Variants in CPVL observed in about 807,000 individuals in gnomAD.
The protein encoded by CPVL is probable serine carboxypeptidase CPVL.
A neutral mutation model predicts 63.7 loss-of-function variants in CPVL; 51 were observed. That is an observed-to-expected ratio of 0.80 (90% confidence interval 0.64 to 1.01). The LOEUF is 1.01. CPVL is among the 50% of genes least tolerant of loss of function. The probability of loss-of-function intolerance (pLI) is 0.00; values close to 1 mark genes in which losing one functional copy is unlikely to be tolerated. For synonymous variants in CPVL, 195 were observed against 206.0 expected (o/e 0.95, Z 0.46); for missense variants, 530 against 573.1 (o/e 0.92, Z 0.77).
At chr7:29,194,944 G>A in intron 1 of CPVL, 1 of 1,573,206 alleles carries the variant, frequency 6.4e-7, no homozygotes, top group Non-Finnish European at 8.6e-7. Context: ...GCGCGGAGAT[G>A]GCAGCGTCCA....
chr7:29,167,114 G>T (rs547531865), intron 5 of CPVL, among the ~76,000 whole-genome samples: 1 of 152,012 alleles, frequency 6.6e-6, no homozygotes, highest in Non-Finnish European at 1.5e-5. Context: ...TCTGTCCCTG[G>T]TAACATCCCT....
At chr7:29,097,889 G>C (rs1786606040) in intron 3 of CPVL, among the ~76,000 whole-genome samples, 1 of 152,120 alleles carries the variant, frequency 6.6e-6, no homozygotes, top group South Asian at 2.1e-4. Flanking sequence ...TGTGCACAAG[G>C]GAAATGACAA....
At chr7:29,037,468 G>A (rs1225348770) in intron 11 of CPVL, among the ~76,000 whole-genome samples, 1 of 148,026 alleles carries the variant, frequency 6.8e-6, no homozygotes, top group Non-Finnish European at 1.5e-5. Context: ...CAGGAGAATG[G>A]AGTGAACCTG....
intron 5 of CPVL, among the ~76,000 whole-genome samples, chr7:29,093,614 G>A (rs1786082374): frequency 6.6e-6 from 1 of 152,130 alleles, no homozygotes; most frequent in African/African-American, 2.4e-5. Flanking sequence ...CAACTGAACT[G>A]CAAATTCAAA....
chr7:29,113,448 G>A (rs1007529839), intron 2 of CPVL, among the ~76,000 whole-genome samples: 2 of 152,136 alleles, frequency 1.3e-5, no homozygotes, highest in Non-Finnish European at 1.5e-5. Flanking sequence ...AGGACAATGG[G>A]GCAGTTGTGG....
chr7:29,067,879 C>CT (rs1783293660), intron 9 of CPVL, among the ~76,000 whole-genome samples: 2 of 152,148 alleles, frequency 1.3e-5, no homozygotes. Flanking sequence ...GCCACGACTC[C>CT]TGAGCCTGCA....
chr7:28,997,089 G>A (rs1784156710), intron 12 of CPVL, among the ~76,000 whole-genome samples: 1 of 152,188 alleles, frequency 6.6e-6, no homozygotes, highest in Non-Finnish European at 1.5e-5. Flanking sequence ...TCTAGCGTCA[G>A]CTAATATTCC....
intron 11 of CPVL, among the ~76,000 whole-genome samples, chr7:29,056,465 T>C (rs1306708173): frequency 6.6e-6 from 1 of 152,218 alleles, no homozygotes; most frequent in Non-Finnish European, 1.5e-5. Context: ...GATTGGCTTC[T>C]TTCACTCAGA....
At chr7:29,185,888 A>G (rs1798650614) in intron 2 of CPVL, among the ~76,000 whole-genome samples, 1 of 152,154 alleles carries the variant, frequency 6.6e-6, no homozygotes, top group South Asian at 2.1e-4. Context: ...GCCCTGTCCT[A>G]TGTGTTGGTC....
intron 12 of CPVL, chr7:29,010,226 T>C (rs1785673201): frequency 6.6e-6 from 1 of 152,088 alleles, no homozygotes; most frequent in South Asian, 2.1e-4. Context: ...AATACCCACA[T>C]CTCCATGCTG....
chr7:29,078,467 A>C (rs17748871), intron 7 of CPVL, among the ~76,000 whole-genome samples: 16,038 of 152,268 alleles, frequency 0.11, 1,063 homozygotes, highest in Non-Finnish European at 0.14. Context: ...TTTAAAATGG[A>C]GACTACAGTT....
At chr7:29,182,922 A>T (rs1379264163) in intron 4 of CPVL, among the ~76,000 whole-genome samples, 1 of 152,314 alleles carries the variant, frequency 6.6e-6, no homozygotes, top group Non-Finnish European at 1.5e-5. Context: ...CAGAACAAAG[A>T]TAAACACTCA....
intron 11 of CPVL, among the ~76,000 whole-genome samples, chr7:29,056,949 C>CTTTTTCT (rs1790796380): frequency 8.5e-6 from 1 of 118,050 alleles, no homozygotes; most frequent in Non-Finnish European, 1.7e-5. Flanking sequence ...TTTTCCTTTT[C>CTTTTTCT]TTTTTTTTTT....
chr7:29,077,579 A>G (rs1784355008), intron 7 of CPVL, among the ~76,000 whole-genome samples: 2 of 152,132 alleles, frequency 1.3e-5, no homozygotes, highest in South Asian at 2.1e-4. Flanking sequence ...CACTCTCCCC[A>G]GCTACACAGA....
Position 28,995,504 on chromosome 7 carries a change from T to C in CPVL, c.*268A>G, listed in dbSNP as rs1783973740. Reference sequence around the variant, plus strand: ...TCCTATTCAAGACCCTAAAATTTCATTTATACATCTTGTCTCAGTGTCACA... The same window carrying C: ...TCCTATTCAAGACCCTAAAATTTCACTTATACATCTTGTCTCAGTGTCACA... On this transcript the variant is annotated 3_prime_UTR_variant, in exon 13 of 13. Transcript: ENST00000265394. 1 of 320,574 alleles carries C rather than the reference T, an allele frequency of 3.1e-6. No homozygotes were observed. The highest frequency in any genetic ancestry group is 5.6e-6 in the Non-Finnish European group (1 of 179,294). 19.9% of individuals were successfully genotyped at this position (320,574 alleles called of 1,614,324 possible). A position where few individuals can be genotyped will look rare whatever the true frequency, so the allele number is the denominator to read the frequency against.
At chr7:29,092,432 A>T (rs2128605713) in intron 6 of CPVL, among the ~76,000 whole-genome samples, 191 bp downstream of exon 6, 1 of 152,362 alleles carries the variant, frequency 6.6e-6, no homozygotes, top group East Asian at 1.9e-4. Flanking sequence ...TCTGGTTGAA[A>T]GGTTTAAAAA....
intron 6 of CPVL, among the ~76,000 whole-genome samples, chr7:29,087,297 G>A (rs535182250): frequency 4.6e-5 from 7 of 151,748 alleles, no homozygotes; most frequent in South Asian, 2.1e-4. Context: ...GGTGGTGCGC[G>A]CCTGTAGTCC....
At chr7:29,148,164 T>C (rs717132), upstream of CPVL, among the ~76,000 whole-genome samples, 1 of 152,070 alleles carries the variant, frequency 6.6e-6, no homozygotes, top group Non-Finnish European at 1.5e-5. Flanking sequence ...GCAGGCTCAG[T>C]GCCATTTGGG....
chr7:29,061,286 G>A (rs529711839), intron 11 of CPVL, among the ~76,000 whole-genome samples: 168 of 152,224 alleles, frequency 1.1e-3, no homozygotes, highest in Middle Eastern at 6.8e-3. Context: ...GGTGGCATGT[G>A]CCTGTAATCT....
Sources: allele counts gnomAD v4.1 joint callset (sites outside exome capture counted in the v4.1 genomes callset), GRCh38; gene constraint gnomAD v4.1.1; transcripts MANE v1.5; gene names NCBI Gene and HGNC (gene_info 2026-07-23, HGNC 2026-07-21).